ATP8A2: variants seen among roughly 807,000 people sequenced by gnomAD.
The protein encoded by ATP8A2 is phospholipid-transporting ATPase IB.
ATP8A2 carries 100 observed loss-of-function variants against 165.6 expected under a neutral mutation model. The ratio of observed to expected loss-of-function variants is 0.60; its 90% CI spans 0.51 to 0.71. ATP8A2 has a LOEUF of 0.71. ATP8A2 is among the 30% of genes least tolerant of loss of function. The pLI, the probability that ATP8A2 is intolerant of heterozygous loss-of-function variation, is 0.00. For missense variants in ATP8A2, 1,227 were observed against 1,479.5 expected (o/e 0.83, Z 2.80); for synonymous variants, 543 against 548.8 (o/e 0.99, Z 0.15).
At chr13:25,446,087 G>A (rs561351424) in intron 1 of ATP8A2, among the ~76,000 whole-genome samples, 20 of 152,274 alleles carry the variant, frequency 1.3e-4, no homozygotes, top group South Asian at 4.1e-4. Context: ...TCCATAGAGC[G>A]CTGTAAGTGC....
At chr13:25,775,938 G>T (rs1277316612) in intron 27 of ATP8A2, among the ~76,000 whole-genome samples, 3 of 152,180 alleles carry the variant, frequency 2.0e-5, no homozygotes, top group African/African-American at 7.2e-5. Flanking sequence ...TTACCCGGTT[G>T]TCTAATCTTT....
Position 25,699,051 on chromosome 13 carries a change from T to C in ATP8A2, c.2212-122T>C, listed in dbSNP as rs1456566985. 5 of 742,232 alleles carry C rather than the reference T, an allele frequency of 6.7e-6. No individual in the cohort carries two copies. In the Admixed American group the frequency reaches 1.3e-4, roughly 20 times the overall value. The allele number at this position is 742,232 out of a possible 1,614,324, so 46.0% of individuals were successfully genotyped here. On this transcript the variant is annotated intron_variant, in intron 24 of 36. Transcript: ENST00000381655. The stretch of plus-strand genomic sequence containing the variant: ...AATGTATAAATGTGCAAAGCTGAAC[T>C]GATAGTATATTTATATTAGAATGGG...
intron 24 of ATP8A2, among the ~76,000 whole-genome samples, chr13:25,660,027 C>T (rs1421241832): frequency 6.6e-6 from 1 of 152,070 alleles, no homozygotes; most frequent in Non-Finnish European, 1.5e-5. Context: ...AGTAATAGTA[C>T]ACAGTAAGAA....
intron 25 of ATP8A2, among the ~76,000 whole-genome samples, chr13:25,757,644 A>T (rs1260447247): frequency 3.9e-5 from 6 of 152,092 alleles, no homozygotes; most frequent in Non-Finnish European, 8.8e-5. Context: ...TTCGGCTGAG[A>T]AGTGAGTGTA....
intron 33 of ATP8A2, among the ~76,000 whole-genome samples, chr13:25,935,481 G>A (rs1302620764): frequency 6.6e-6 from 1 of 152,130 alleles, no homozygotes; most frequent in Non-Finnish European, 1.5e-5. Context: ...CCTGAGGCTG[G>A]GTAGTTTATA....
At chr13:25,378,254 C>A (rs1244826512) in intron 1 of ATP8A2, among the ~76,000 whole-genome samples, 1 of 152,094 alleles carries the variant, frequency 6.6e-6, no homozygotes, top group Admixed American at 6.6e-5. Flanking sequence ...CGGTTCATTT[C>A]TTCCCTCCCT....
At position 25,533,256 on chromosome 13, in the gene ATP8A2, AT is replaced by A; in HGVS notation, c.467-12del. 1 of 1,395,784 alleles carries A rather than the reference AT, an allele frequency of 7.2e-7. No homozygotes were observed. The allele number at this position is 1,395,784 out of a possible 1,614,324, so 86.5% of individuals were successfully genotyped here. On this transcript the variant is annotated splice_polypyrimidine_tract_variant and intron_variant, in intron 5 of 36. Transcript: ENST00000381655. ...TAACACCAGTATTAACCAATATTTT[AT>A]TTTTCTCTTTTTCAGTGTTAAGAAA...
intron 10 of ATP8A2, among the ~76,000 whole-genome samples, chr13:25,547,733 G>A (rs1382674560): frequency 6.6e-6 from 1 of 152,140 alleles, no homozygotes; most frequent in African/African-American, 2.4e-5. Flanking sequence ...AAAGGTTGGG[G>A]ACAGCTTTTC....
intron 26 of ATP8A2, among the ~76,000 whole-genome samples, chr13:25,771,839 G>C (rs189314488): frequency 6.6e-6 from 1 of 152,322 alleles, no homozygotes; most frequent in East Asian, 1.9e-4. Context: ...CACCATGCCA[G>C]AAAAGCCACA....
intron 5 of ATP8A2, 81 bp from the exon 6 acceptor site, chr13:25,533,192 T>C (rs1404233194): frequency 1.3e-6 from 1 of 776,500 alleles, no homozygotes; most frequent in Non-Finnish European, 2.2e-6. Flanking sequence ...AATGGAATTC[T>C]AAAAGAAAGC....
intron 10 of ATP8A2, among the ~76,000 whole-genome samples, chr13:25,543,719 C>T (rs1167759404): frequency 6.6e-6 from 1 of 152,142 alleles, no homozygotes. Context: ...TTCTACTTCT[C>T]CTCTTTATCC....
intron 25 of ATP8A2, among the ~76,000 whole-genome samples, chr13:25,743,321 AC>A (rs935455026): frequency 6.8e-6 from 1 of 146,754 alleles, no homozygotes; most frequent in Non-Finnish European, 1.5e-5. Flanking sequence ...GAAGGAATCT[AC>A]TCTGCCAACA....
At chr13:25,490,379 G>T (rs1427713994) in intron 2 of ATP8A2, among the ~76,000 whole-genome samples, 1 of 152,228 alleles carries the variant, frequency 6.6e-6, no homozygotes, top group Non-Finnish European at 1.5e-5. Context: ...GACGGGCCAG[G>T]AGCCGGGGCT....
chr13:25,553,517 C>T (rs1185340183), intron 11 of ATP8A2, among the ~76,000 whole-genome samples: 1 of 152,200 alleles, frequency 6.6e-6, no homozygotes, highest in East Asian at 1.9e-4. Context: ...TTGAAAGCAG[C>T]ATTTCTTCTT....
chr13:25,397,647 T>G (rs2033474840), intron 1 of ATP8A2, among the ~76,000 whole-genome samples: 1 of 152,222 alleles, frequency 6.6e-6, no homozygotes. Context: ...TGTAAAATAT[T>G]TGAAAAGGTT....
intron 24 of ATP8A2, among the ~76,000 whole-genome samples, chr13:25,659,034 G>T (rs1468385496): frequency 1.7e-4 from 26 of 152,158 alleles, no homozygotes; most frequent in Non-Finnish European, 4.4e-5. Context: ...ATCATAGGAG[G>T]AAAGGAAGGT....
chr13:25,577,385 C>T (rs566826052), intron 20 of ATP8A2, among the ~76,000 whole-genome samples: 4 of 152,154 alleles, frequency 2.6e-5, no homozygotes, highest in South Asian at 2.1e-4. Context: ...AGTGACTCCA[C>T]GTGTCATGCA....
rs61635155 is a variant in ATP8A2, at chr13:25,966,029, GA to G, written c.3273-2530del. On this transcript the variant is annotated intron_variant, in intron 34 of 36. Transcript: ENST00000381655. ...AGAAGAGTCCAGGGAAAGAGTTTCAGAAAAAAAAAAAAAAAAGGATGGAAAG... is the reference window on the plus strand; with the variant it reads ...AGAAGAGTCCAGGGAAAGAGTTTCAGAAAAAAAAAAAAAAAGGATGGAAAG... 4.3e-4 allele frequency among the ~76,000 whole-genome samples: 58 copies of G among 133,540 alleles called. 1 individual carries two copies. Among genetic ancestry groups the G allele is most frequent in the African/African-American group, 1.4e-3 (50 of 35,408 alleles). 87.6% of individuals were successfully genotyped at this position (133,540 alleles called of 152,430 possible).
At chr13:25,903,883 G>A (rs1403435370) in intron 33 of ATP8A2, among the ~76,000 whole-genome samples, 2 of 152,110 alleles carry the variant, frequency 1.3e-5, no homozygotes, top group East Asian at 3.9e-4. Flanking sequence ...TGCAGTTTTT[G>A]TCTGTTCTGC....
Sources: allele counts gnomAD v4.1 joint callset (sites outside exome capture counted in the v4.1 genomes callset), GRCh38; gene constraint gnomAD v4.1.1; transcripts MANE v1.5; gene names NCBI Gene and HGNC (gene_info 2026-07-23, HGNC 2026-07-21).